Variants in DNAAF9 observed in about 807,000 individuals in gnomAD.
DNAAF9 encodes the protein shulin.
Under a neutral mutation model 167.0 loss-of-function variants are expected in DNAAF9, and 90 were observed. That is an observed-to-expected ratio of 0.54 (90% CI 0.45 to 0.64). The LOEUF (loss-of-function observed/expected upper bound fraction) is 0.64. Ranked by LOEUF, DNAAF9 falls within the 30% of genes least tolerant of loss-of-function variation. The pLI, the probability that DNAAF9 is intolerant of heterozygous loss-of-function variation, is 0.00. For synonymous variants in DNAAF9, 491 were observed against 508.8 expected, an observed-to-expected ratio of 0.96 and a Z score of 0.47; for missense variants, 1,315 against 1,442.2, an observed-to-expected ratio of 0.91 and a Z score of 1.43.
At chr20:3,344,070 T>C (rs1409506831) in intron 8 of DNAAF9, among the ~76,000 whole-genome samples, 1 of 152,214 alleles carries the variant, frequency 6.6e-6, no homozygotes, top group African/African-American at 2.4e-5. Flanking sequence ...GTACAGTGTT[T>C]ACTGCAAGAA....
At chr20:3,385,873 A>T (rs1403601771) in intron 1 of DNAAF9, among the ~76,000 whole-genome samples, 1 of 152,254 alleles carries the variant, frequency 6.6e-6, no homozygotes, top group African/African-American at 2.4e-5. Flanking sequence ...ATAGTAAGAC[A>T]TACCATGTTC....
intron 12 of DNAAF9, among the ~76,000 whole-genome samples, chr20:3,328,769 C>T (rs989984288): frequency 3.3e-5 from 5 of 152,010 alleles, no homozygotes; most frequent in African/African-American, 9.7e-5. Context: ...GAACTACATA[C>T]ACACTATGAT....
intron 16 of DNAAF9, among the ~76,000 whole-genome samples, chr20:3,321,234 C>G (rs1199492682): frequency 1.3e-5 from 2 of 152,162 alleles, no homozygotes; most frequent in African/African-American, 4.8e-5. Flanking sequence ...GGGATACATT[C>G]TGAGAAATGC....
At chr20:3,287,226 G>A (rs1390004824) in intron 27 of DNAAF9, among the ~76,000 whole-genome samples, 4 of 152,140 alleles carry the variant, frequency 2.6e-5, no homozygotes, top group Admixed American at 1.3e-4. Context: ...CCACAATCCA[G>A]GGCATGGTGA....
In DNAAF9 at chr20:3,361,745, TC is replaced by T. The variant is rs2083367892; in HGVS notation, c.613-2153del. On this transcript the variant is annotated intron_variant, in intron 6 of 36. Transcript: ENST00000252032. ...TAGTATCATTTACAGTATCTTAACTTCCTTTGAATGGGAGCTTCCTTTCCAG... is the reference window on the plus strand; with the variant it reads ...TAGTATCATTTACAGTATCTTAACTTCTTTGAATGGGAGCTTCCTTTCCAG... 7 of 836,498 alleles carry T rather than the reference TC, an allele frequency of 8.4e-6. No homozygotes were observed. The East Asian group carries it at 1.9e-4, about 22-fold the overall frequency. The allele number at this position is 836,498 out of a possible 1,614,324, so 51.8% of individuals were successfully genotyped here. A position where few individuals can be genotyped will look rare whatever the true frequency, so the allele number is the denominator to read the frequency against.
At chr20:3,289,124 A>G (rs2068904104) in intron 26 of DNAAF9, among the ~76,000 whole-genome samples, 1 of 152,074 alleles carries the variant, frequency 6.6e-6, no homozygotes, top group Non-Finnish European at 1.5e-5. Context: ...AGGTGGGAGG[A>G]TCACTTGAGC....
chr20:3,287,889 A>C lies in DNAAF9; in HGVS notation c.2328-99T>G. 2.8e-6 allele frequency: 3 copies of C among 1,067,132 alleles called. No individual in the cohort carries two copies. The South Asian group carries it at 4.2e-5, about 15-fold the overall frequency. The allele number at this position is 1,067,132 out of a possible 1,614,324, so 66.1% of individuals were successfully genotyped here. ...AAATGTGACCATGAGTCCTAAAGCC[A>C]TTCTGCCCAGTGAATCCATTCAGGA... On this transcript the variant is annotated intron_variant, in intron 26 of 36. Coordinates refer to ENST00000252032, the MANE Select transcript of DNAAF9 (RefSeq NM_001009984.3).
rs2070123369 is a variant in DNAAF9 at position 3,343,282 on chromosome 20, C to T, written c.845+394G>A. On this transcript the variant is annotated intron_variant, in intron 9 of 36. Coordinates refer to ENST00000252032, the MANE Select transcript of DNAAF9 (RefSeq NM_001009984.3). ...GGTTCAAGTGATTCTCCTGTCTCAG[C>T]CTCCCGAGTAGCTGGGATTACAGGC... Among the ~76,000 whole-genome samples, 2 of 152,228 alleles carry T rather than the reference C, an allele frequency of 1.3e-5. 1 individual carries two copies. Among genetic ancestry groups the T allele is most frequent in the South Asian group, 4.1e-4 (2 of 4,826 alleles).
intron 3 of DNAAF9, among the ~76,000 whole-genome samples, chr20:3,377,147 G>A (rs924019637): frequency 2.6e-5 from 4 of 152,182 alleles, no homozygotes; most frequent in Non-Finnish European, 5.9e-5. Flanking sequence ...TGGAGACCAA[G>A]GTTCTTATTA....
intron 30 of DNAAF9, among the ~76,000 whole-genome samples, chr20:3,269,412 C>T (rs935927658): frequency 7.2e-5 from 11 of 152,022 alleles, no homozygotes; most frequent in African/African-American, 2.7e-4. Context: ...CAGAGTGTCA[C>T]TATTTTACCC....
chr20:3,364,555 G>A (rs534740586), intron 6 of DNAAF9, among the ~76,000 whole-genome samples: 54 of 152,196 alleles, frequency 3.5e-4, no homozygotes, highest in African/African-American at 1.3e-3. Context: ...AGCTATTGCA[G>A]GCTTGGTTCC....
At chr20:3,347,687 G>A (rs772495079) in intron 8 of DNAAF9, among the ~76,000 whole-genome samples, 7 of 152,120 alleles carry the variant, frequency 4.6e-5, no homozygotes, top group Non-Finnish European at 7.4e-5. Context: ...CAGCACTTTG[G>A]GGGGCTGAGG....
intron 8 of DNAAF9, among the ~76,000 whole-genome samples, chr20:3,345,867 G>A (rs1392782613): frequency 2.0e-5 from 3 of 151,958 alleles, no homozygotes; most frequent in Middle Eastern, 3.2e-3. Context: ...CACGGGAGGC[G>A]GAGGTTGCAG....
chr20:3,277,755 A>C (rs2068697482), intron 29 of DNAAF9, among the ~76,000 whole-genome samples: 1 of 152,168 alleles, frequency 6.6e-6, no homozygotes, highest in Non-Finnish European at 1.5e-5. Flanking sequence ...TGCAGTGCCT[A>C]GAAAGTAACA....
Position 3,259,570 on chromosome 20 carries a change from G to A in DNAAF9, c.2981-16C>T, listed in dbSNP as rs75676110. On this transcript the variant is annotated splice_polypyrimidine_tract_variant and intron_variant, in intron 32 of 36. Coordinates refer to ENST00000252032, the MANE Select transcript of DNAAF9 (RefSeq NM_001009984.3). Reference sequence around the variant, plus strand: ...GACTGAATTGCTGGTGGAAGAAGAGGACAGCGCTGTCACCCACATGGAGGC... The same window carrying A: ...GACTGAATTGCTGGTGGAAGAAGAGAACAGCGCTGTCACCCACATGGAGGC... 7.1e-5 allele frequency: 112 copies of A among 1,587,082 alleles called. No individual in the cohort carries two copies. The African/African-American group carries it at 1.5e-3, about 21-fold the overall frequency.
intron 9 of DNAAF9, among the ~76,000 whole-genome samples, 180 bp downstream of exon 9, chr20:3,343,496 T>C (rs936252162): frequency 1.3e-5 from 2 of 152,130 alleles, no homozygotes; most frequent in African/African-American, 2.4e-5. Flanking sequence ...AAAATAAAAA[T>C]GAAAGCAGAG....
chr20:3,291,764 C>T (rs143194423), intron 25 of DNAAF9, among the ~76,000 whole-genome samples: 18 of 152,242 alleles, frequency 1.2e-4, no homozygotes, highest in African/African-American at 3.4e-4. Context: ...ACAGAGAAGA[C>T]GGCCGTAAAT....
At chr20:3,297,802 A>C (rs181354969) in intron 22 of DNAAF9, among the ~76,000 whole-genome samples, 1 of 152,300 alleles carries the variant, frequency 6.6e-6, no homozygotes, top group East Asian at 1.9e-4. Flanking sequence ...GATTTTTCTT[A>C]AAGGCTAAAA....
At chr20:3,337,440 GTTTT>G (rs55881467) in intron 10 of DNAAF9, among the ~76,000 whole-genome samples, 1 of 134,402 alleles carries the variant, frequency 7.4e-6, no homozygotes, top group Non-Finnish European at 1.6e-5. Context: ...CTTTTTTTTT[GTTTT>G]TTTTTTTTTT....
Sources: allele counts gnomAD v4.1 joint callset (sites outside exome capture counted in the v4.1 genomes callset), GRCh38; gene constraint gnomAD v4.1.1; transcripts MANE v1.5; gene names NCBI Gene and HGNC (gene_info 2026-07-23, HGNC 2026-07-21).